Variants in OR9I1 observed in about 807,000 individuals in gnomAD.
OR9I1 encodes the protein olfactory receptor 9I1.
Under a neutral mutation model 11.2 loss-of-function variants are expected in OR9I1, and 7 were observed. The observed-to-expected ratio is 0.62, with a 90% CI of 0.36 to 1.17. The LOEUF (loss-of-function observed/expected upper bound fraction) is 1.17. OR9I1 is among the 50% of genes most tolerant of loss of function. The pLI is 0.02. For synonymous variants in OR9I1, 165 were observed against 153.4 expected, an observed-to-expected ratio of 1.08 and a Z score of -0.56; for missense variants, 428 against 377.2, an observed-to-expected ratio of 1.13 and a Z score of -1.12.
rs1236950543 is a variant in OR9I1, at chr11:58,118,755, A to C, written c.690T>G (p.Ser230=). ...LIIKTILKVK[S]SGGRAKTFST... is the part of the protein sequence containing the mutation. ...AGAAAGTCTTGGCCCTGCCACCTGAAGACTTCACTTTCAAAATGGTCTTGA... is the reference window on the plus strand; with the variant it reads ...AGAAAGTCTTGGCCCTGCCACCTGACGACTTCACTTTCAAAATGGTCTTGA... Residue 230 remains serine, a synonymous_variant, in exon 3 of 3, where the codon TCT becomes TCG. Transcript: ENST00000641439. The C allele has an allele frequency of 6.2e-7, 1 of 1,614,102 alleles. No homozygotes were observed. Among genetic ancestry groups the C allele is most frequent in the Non-Finnish European group, 8.5e-7 (1 of 1,180,010 alleles).
Position 58,117,951 on chromosome 11 carries a change from A to G in OR9I1, c.*549T>C, listed in dbSNP as rs1853974556. 6.6e-6 allele frequency: 1 copy of G among 152,450 alleles called. No homozygotes were observed. The allele number at this position is 152,450 out of a possible 1,614,324, so 9.4% of individuals were successfully genotyped here. Reference sequence around the variant, plus strand: ...AGCGGGTGACACAAGTCTCTTCTGAAGAGAGAAGTTCATTTCTCAAACTTC... The same window carrying G: ...AGCGGGTGACACAAGTCTCTTCTGAGGAGAGAAGTTCATTTCTCAAACTTC... On this transcript the variant is annotated 3_prime_UTR_variant, in exon 3 of 3. Transcript: ENST00000641439.
At position 58,116,803 on chromosome 11, in the gene OR9I1, ATTG is replaced by A. The variant is rs1001080584; in HGVS notation, c.*1694_*1696del. ...ATATTTGGTGAATTATTTTAATAAA[ATTG>A]TTGTTTCCATATGGAGAGGCAATGA... On this transcript the variant is annotated 3_prime_UTR_variant, in exon 3 of 3. Coordinates refer to ENST00000641439, the MANE Select transcript of OR9I1 (RefSeq NM_001005211.2). The A allele has an allele frequency of 4.6e-5, 7 of 152,218 alleles. No individual in the cohort carries two copies. Among genetic ancestry groups the A allele is most frequent in the Admixed American group, 3.3e-4 (5 of 15,272 alleles). 9.4% of individuals were successfully genotyped at this position (152,218 alleles called of 1,614,324 possible). A position where few individuals can be genotyped will look rare whatever the true frequency, so the allele number is the denominator to read the frequency against.
At position 58,117,474 on chromosome 11, in the gene OR9I1, AG is replaced by A. The variant is rs1425980347; in HGVS notation, c.*1025del. 1 of 152,212 alleles carries A rather than the reference AG, an allele frequency of 6.6e-6. No individual in the cohort carries two copies. The highest frequency in any genetic ancestry group is 6.5e-5 in the Admixed American group (1 of 15,276). The allele number at this position is 152,212 out of a possible 1,614,324, so 9.4% of individuals were successfully genotyped here. A position where few individuals can be genotyped will look rare whatever the true frequency, so the allele number is the denominator to read the frequency against. Reference sequence around the variant, plus strand: ...CATAGAGTTGCCAGAAGGCTCAAATAGGAACAAGCATGTACCATACAAATTC... The same window carrying A: ...CATAGAGTTGCCAGAAGGCTCAAATAGAACAAGCATGTACCATACAAATTC... On this transcript the variant is annotated 3_prime_UTR_variant, in exon 3 of 3. Coordinates refer to ENST00000641439, the MANE Select transcript of OR9I1 (RefSeq NM_001005211.2).
At chr11:58,121,163 CCTTT>C (rs35639120) in intron 2 of OR9I1, among the ~76,000 whole-genome samples, 32,129 of 151,782 alleles carry the variant, frequency 0.21, 4,509 homozygotes, top group East Asian at 0.58. Flanking sequence ...AATAAATGCT[CCTTT>C]CTTTTGATCT....
At chr11:58,124,828 G>A (rs1300573298) in intron 1 of OR9I1, among the ~76,000 whole-genome samples, 189 bp from the exon 2 acceptor site, 1 of 152,134 alleles carries the variant, frequency 6.6e-6, no homozygotes, top group Non-Finnish European at 1.5e-5. Flanking sequence ...CCTAATCCTG[G>A]CAACCATTTA....
At chr11:58,125,078 C>T (rs952351779) in intron 1 of OR9I1, among the ~76,000 whole-genome samples, 196 bp downstream of exon 1, 1 of 152,132 alleles carries the variant, frequency 6.6e-6, no homozygotes, top group African/African-American at 2.4e-5. Flanking sequence ...TCTACTCCAG[C>T]ATAATTACAG....
chr11:58,119,383 G>C lies in OR9I1; in HGVS notation c.62C>G (p.Pro21Arg), dbSNP rs1854001402. Residue 21 changes from proline to arginine, a missense_variant, in exon 3 of 3, where the codon CCC (proline) becomes CGC (arginine). Pro to Arg is a moderately radical substitution (Grantham distance 103, BLOSUM62 -2). Transcript: ENST00000641439. Reference protein sequence around the residue: ...EFILMGFMDHPKLEIPLFLVF... With the variant: ...EFILMGFMDHRKLEIPLFLVF... ...CAGAAAGAGGGGAATCTCCAATTTG[G>C]GGTGGTCCATAAAGCCCATGAGAAT... 6.2e-7 allele frequency: 1 copy of C among 1,613,896 alleles called. No homozygotes were observed. The highest frequency in any genetic ancestry group is 8.5e-7 in the Non-Finnish European group (1 of 1,179,836).
rs1426180039 is a variant in OR9I1 at position 58,117,850 on chromosome 11, A to G, written c.*650T>C. On this transcript the variant is annotated 3_prime_UTR_variant, in exon 3 of 3. Transcript: ENST00000641439. Reference sequence around the variant, plus strand: ...GTAACATTAAAAAAAGGAACAACAAAACCAGTAAGGTACCAAGTGATAAGG... The same window carrying G: ...GTAACATTAAAAAAAGGAACAACAAGACCAGTAAGGTACCAAGTGATAAGG... 3 of 152,114 alleles carry G rather than the reference A, an allele frequency of 2.0e-5. No individual in the cohort carries two copies. Among genetic ancestry groups the G allele is most frequent in the African/African-American group, 7.2e-5 (3 of 41,414 alleles). 9.4% of individuals were successfully genotyped at this position (152,114 alleles called of 1,614,324 possible).
chr11:58,120,300 T>G (rs922503993), intron 2 of OR9I1, among the ~76,000 whole-genome samples: 11 of 152,074 alleles, frequency 7.2e-5, no homozygotes, highest in Non-Finnish European at 1.3e-4. Flanking sequence ...CAAAGTTGGG[T>G]AGAGTTTATA....
At chr11:58,122,994 T>A (rs1854050653) in intron 2 of OR9I1, among the ~76,000 whole-genome samples, 1 of 152,090 alleles carries the variant, frequency 6.6e-6, no homozygotes, top group African/African-American at 2.4e-5. Flanking sequence ...ATGGTCTTGC[T>A]TGGTATGCTT....
At chr11:58,119,568 T>C in intron 2 of OR9I1, 102 bp from the exon 3 acceptor site, 1 of 655,462 alleles carries the variant, frequency 1.5e-6, no homozygotes, top group Non-Finnish European at 2.5e-6. Context: ...ATTTGTAGAG[T>C]TTGTTTTTAA....
intron 2 of OR9I1, among the ~76,000 whole-genome samples, chr11:58,120,827 T>TAC (rs1554969523): frequency 1.2e-4 from 18 of 145,088 alleles, no homozygotes; most frequent in East Asian, 2.0e-4. Context: ...TATATATATA[T>TAC]ACATATATTC....
chr11:58,119,831 A>G (rs1451793497), intron 2 of OR9I1, among the ~76,000 whole-genome samples: 1 of 152,120 alleles, frequency 6.6e-6, no homozygotes, highest in African/African-American at 2.4e-5. Flanking sequence ...CCATCTGCAA[A>G]CAGTTCCACC....
chr11:58,119,766 G>A (rs1012855666), intron 2 of OR9I1, among the ~76,000 whole-genome samples: 2 of 152,118 alleles, frequency 1.3e-5, no homozygotes, highest in African/African-American at 2.4e-5. Context: ...ATCTGGGGCT[G>A]GAGTCTCACT....
intron 2 of OR9I1, 41 bp from the exon 3 acceptor site, chr11:58,119,507 G>A (rs1854003928): frequency 9.0e-7 from 1 of 1,113,772 alleles, no homozygotes. Flanking sequence ...CAGAATTGAA[G>A]GACAGAATCT....
At chr11:58,120,453 GT>G (rs980450464) in intron 2 of OR9I1, among the ~76,000 whole-genome samples, 1 of 151,748 alleles carries the variant, frequency 6.6e-6, no homozygotes, top group African/African-American at 2.4e-5. Flanking sequence ...ATTTGAATAT[GT>G]TTTTATTTTT....
chr11:58,125,236 A>ACCCCCC (rs201477338), intron 1 of OR9I1, 38 bp downstream of exon 1: 1 of 69,656 alleles, frequency 1.4e-5, no homozygotes, highest in Admixed American at 2.0e-4. Context: ...CCCCTTACCC[A>ACCCCCC]CCGCCCCCCC....
intron 1 of OR9I1, among the ~76,000 whole-genome samples, chr11:58,125,059 A>G (rs1196135607): frequency 2.0e-5 from 3 of 152,204 alleles, no homozygotes; most frequent in African/African-American, 7.2e-5. Context: ...CCTAGTACAT[A>G]TGACTAATTC....
chr11:58,124,785 T>A (rs1383031029), intron 1 of OR9I1, 146 bp from the exon 2 acceptor site: 2 of 152,210 alleles, frequency 1.3e-5, no homozygotes, highest in Non-Finnish European at 2.9e-5. Context: ...ACCCCAGAGT[T>A]GGAGTGTTGA....
Sources: allele counts gnomAD v4.1 joint callset (sites outside exome capture counted in the v4.1 genomes callset), GRCh38; gene constraint gnomAD v4.1.1; transcripts MANE v1.5; gene names NCBI Gene and HGNC (gene_info 2026-07-23, HGNC 2026-07-21).